The following RGS7 variants were observed in gnomAD, a reference collection of about 807,000 sequenced individuals.
RGS7 encodes the protein regulator of G protein signaling 7.
RGS7 carries 27 observed loss-of-function variants against 81.1 expected under a neutral mutation model. That is an observed-to-expected ratio of 0.33 (90% CI 0.25 to 0.46). RGS7 has a LOEUF of 0.46. Ranked by LOEUF, RGS7 falls within the 20% of genes least tolerant of loss-of-function variation. The pLI is 1.00. For missense variants in RGS7, 396 were observed against 607.4 expected (o/e 0.65, Z 3.66); for synonymous variants, 208 against 207.7 (o/e 1.00, Z -0.01).
chr1:240,906,915 A>G (rs1670911396), intron 6 of RGS7, among the ~76,000 whole-genome samples: 3 of 152,252 alleles, frequency 2.0e-5, no homozygotes, highest in Admixed American at 2.0e-4. Context: ...AGCCTGAGAA[A>G]AGGTACAGCT....
intron 2 of RGS7, among the ~76,000 whole-genome samples, chr1:241,220,169 A>G (rs2074810072): frequency 6.6e-6 from 1 of 152,186 alleles, no homozygotes; most frequent in Admixed American, 6.5e-5. Context: ...TGTATTTGTT[A>G]TTTAAATAAA....
intron 9 of RGS7, among the ~76,000 whole-genome samples, chr1:240,849,772 C>T (rs560975801): frequency 7.0e-4 from 107 of 152,272 alleles, no homozygotes; most frequent in Non-Finnish European, 9.1e-4. Context: ...CCTCACCAGA[C>T]GCAGATACTG....
chr1:241,022,254 G>C (rs1433682351), intron 3 of RGS7, among the ~76,000 whole-genome samples: 3 of 152,188 alleles, frequency 2.0e-5, no homozygotes, highest in Middle Eastern at 3.2e-3. Context: ...ACTTGGTCTT[G>C]CTTTTAACCT....
intron 2 of RGS7, among the ~76,000 whole-genome samples, chr1:241,177,389 C>G (rs2071234919): frequency 6.6e-6 from 1 of 151,964 alleles, no homozygotes; most frequent in African/African-American, 2.4e-5. Context: ...AAATAAGGAA[C>G]AGGAGCCTGG....
At chr1:241,006,578 A>G (rs1284518949) in intron 3 of RGS7, among the ~76,000 whole-genome samples, 1 of 152,236 alleles carries the variant, frequency 6.6e-6, no homozygotes, top group Non-Finnish European at 1.5e-5. Flanking sequence ...TTAAAACAAC[A>G]GATCCTGATT....
intron 2 of RGS7, among the ~76,000 whole-genome samples, chr1:241,207,238 GTTTC>G (rs960865171): frequency 2.3e-4 from 32 of 138,892 alleles, no homozygotes; most frequent in Admixed American, 2.0e-3. Context: ...AAGTCTCTTT[GTTTC>G]TTTCTTTCTC....
In RGS7 at chr1:241,093,832, T is replaced by A. The variant is rs1332129094; in HGVS notation, c.175+4834A>T. On this transcript the variant is annotated intron_variant, in intron 3 of 18. Transcript: ENST00000440928. ...CTTTTATAACATTTTTCATGTACAC[T>A]CCTTTTTTTTTTGCAACCATAAATA... Among the ~76,000 whole-genome samples the A allele has an allele frequency of 4.7e-5, 7 of 150,464 alleles. No homozygotes were observed. The East Asian group carries it at 1.4e-3, about 29-fold the overall frequency.
In RGS7 at chr1:240,976,709, G is replaced by A. The variant is rs1684113806; in HGVS notation, c.226+6370C>T. Among the ~76,000 whole-genome samples the A allele has an allele frequency of 1.3e-5, 2 of 151,294 alleles. 1 individual carries two copies. The highest frequency in any genetic ancestry group is 4.2e-4 in the South Asian group (2 of 4,780). ...AGTACCAGTTCTCAAAATTGTGTGAGCAAATTCCTCAAAATCTCTATCTAT... is the reference window on the plus strand; with the variant it reads ...AGTACCAGTTCTCAAAATTGTGTGAACAAATTCCTCAAAATCTCTATCTAT... On this transcript the variant is annotated intron_variant, in intron 4 of 18. Coordinates refer to ENST00000440928, the MANE Select transcript of RGS7 (RefSeq NM_001364886.1).
chr1:241,078,415 T>C (rs1477919651), intron 3 of RGS7, among the ~76,000 whole-genome samples: 2 of 146,704 alleles, frequency 1.4e-5, no homozygotes, highest in African/African-American at 5.1e-5. Flanking sequence ...CAGCATATTA[T>C]GTATTATATA....
In RGS7 at chr1:241,104,439, A is replaced by AAT. The variant is rs568420489; in HGVS notation, c.79-5679_79-5678dup. Among the ~76,000 whole-genome samples the AAT allele has an allele frequency of 5.6e-3, 853 of 152,314 alleles. 13 individuals are homozygous for AAT. Among genetic ancestry groups the AAT allele is most frequent in the Non-Finnish European group, 5.1e-3 (348 of 68,032 alleles). Reference sequence around the variant, plus strand: ...TTTGATTTGAAGAAATGTCAGGGGAAATATTTGTGCATATAAGCAAAGGCT... The same window carrying AAT: ...TTTGATTTGAAGAAATGTCAGGGGAAATATATTTGTGCATATAAGCAAAGGCT... On this transcript the variant is annotated intron_variant, in intron 2 of 18. Transcript: ENST00000440928.
intron 2 of RGS7, among the ~76,000 whole-genome samples, chr1:241,238,581 CTGGAGTGCAG>C: frequency 6.6e-6 from 1 of 152,200 alleles, no homozygotes; most frequent in East Asian, 1.9e-4. Context: ...TCACCCAGGG[CTGGAGTGCAG>C]TGGTACAATT....
rs1447804229 is a variant in RGS7 at position 240,981,347 on chromosome 1, T to A, written c.226+1732A>T. On this transcript the variant is annotated intron_variant, in intron 4 of 18. Transcript: ENST00000440928. ...GGCTGGTCTCGAACTCCTGAGCTCGTGATCCACCCACCTCAGCCTCCCAAA... is the reference window on the plus strand; with the variant it reads ...GGCTGGTCTCGAACTCCTGAGCTCGAGATCCACCCACCTCAGCCTCCCAAA... 3.3e-5 allele frequency among the ~76,000 whole-genome samples: 5 copies of A among 152,242 alleles called. No individual in the cohort carries two copies. In the East Asian group the frequency reaches 7.7e-4, roughly 24 times the overall value.
intron 3 of RGS7, among the ~76,000 whole-genome samples, chr1:241,024,320 A>T (rs1022131017): frequency 6.6e-6 from 1 of 152,196 alleles, no homozygotes; most frequent in Non-Finnish European, 1.5e-5. Context: ...TCTATTTTGG[A>T]TCCAGGCAAT....
chr1:240,944,282 GTATATATA>G (rs760788169), intron 4 of RGS7, among the ~76,000 whole-genome samples: 2,079 of 55,504 alleles, frequency 0.037, 45 homozygotes, highest in African/African-American at 0.049. Flanking sequence ...GTGTGTGTGT[GTATATATA>G]TATATATATA....
At position 240,955,116 on chromosome 1, in the gene RGS7, A is replaced by G. The variant is rs1680151384; in HGVS notation, c.227-18410T>C. Among the ~76,000 whole-genome samples, 2 of 152,176 alleles carry G rather than the reference A, an allele frequency of 1.3e-5. 1 individual carries two copies. Among genetic ancestry groups the G allele is most frequent in the South Asian group, 4.1e-4 (2 of 4,836 alleles). ...AAATGGAGAGAGTCCATGTTCATGG[A>G]CTGGAATGCTCAATGTTTTAAAGAT... On this transcript the variant is annotated intron_variant, in intron 4 of 18. Transcript: ENST00000440928.
At chr1:241,251,876 CA>C (rs1381398411) in intron 2 of RGS7, among the ~76,000 whole-genome samples, 1 of 151,882 alleles carries the variant, frequency 6.6e-6, no homozygotes, top group Non-Finnish European at 1.5e-5. Context: ...ATCCTTTTGC[CA>C]CTCTCAGGTA....
chr1:240,816,269 G>T, intron 11 of RGS7, 48 bp downstream of exon 11: 3 of 1,187,364 alleles, frequency 2.5e-6, no homozygotes, highest in Non-Finnish European at 2.5e-6. Context: ...GGTTTTCATA[G>T]CTGTTACTCT....
intron 2 of RGS7, among the ~76,000 whole-genome samples, chr1:241,130,648 T>C (rs1039690275): frequency 1.3e-5 from 2 of 152,124 alleles, no homozygotes; most frequent in Non-Finnish European, 2.9e-5. Flanking sequence ...AAAATCTTTT[T>C]CTAAGTAGGG....
intron 3 of RGS7, among the ~76,000 whole-genome samples, chr1:241,016,648 G>C (rs544935324): frequency 6.6e-6 from 1 of 152,090 alleles, no homozygotes; most frequent in Non-Finnish European, 1.5e-5. Flanking sequence ...TATCAATTTA[G>C]GGAGAGACCT....
Sources: gnomAD v4.1 joint callset for allele counts (sites outside exome capture counted in the v4.1 genomes callset) on GRCh38, gnomAD v4.1.1 for gene constraint, MANE v1.5 for transcripts, NCBI Gene and HGNC (gene_info 2026-07-23, HGNC 2026-07-21) for gene names.